MBNL1: variants seen among roughly 807,000 people sequenced by gnomAD.
MBNL1 encodes the protein muscleblind-like protein 1.
In MBNL1, 8 loss-of-function variants were observed where a neutral mutation model predicts 42.2. That is an observed-to-expected ratio of 0.19 (90% CI 0.11 to 0.34). The LOEUF (loss-of-function observed/expected upper bound fraction) is 0.34. Ranked by LOEUF, MBNL1 falls within the 10% of genes least tolerant of loss-of-function variation. The probability of loss-of-function intolerance (pLI) is 1.00; values close to 1 mark genes in which losing one functional copy is unlikely to be tolerated. For synonymous variants in MBNL1, 169 were observed against 173.9 expected (o/e 0.97, Z 0.22); for missense variants, 309 against 495.3 (o/e 0.62, Z 3.57).
At chr3:152,367,369 A>G (rs865971688) in intron 2 of MBNL1, among the ~76,000 whole-genome samples, 1 of 152,136 alleles carries the variant, frequency 6.6e-6, no homozygotes. Context: ...ATCCTTTTTT[A>G]TGGCTGCATA....
At chr3:152,399,907 A>G (rs560500805) in intron 2 of MBNL1, among the ~76,000 whole-genome samples, 38 of 152,352 alleles carry the variant, frequency 2.5e-4, no homozygotes, top group African/African-American at 8.4e-4. Flanking sequence ...GAAAACAAGC[A>G]GGAATGACAA....
At chr3:152,294,278 C>CTTTTTTTTTTTTTTTTTTTTTTTTTTTT (rs201018898) in intron 1 of MBNL1, among the ~76,000 whole-genome samples, 1 of 121,072 alleles carries the variant, frequency 8.3e-6, no homozygotes. Context: ...AAGTTTGATT[C>CTTTTTTTTTTTTTTTTTTTTTTTTTTTT]TTTTTTTTTT....
chr3:152,465,037 A>G lies in MBNL1; in HGVS notation c.*2671A>G, dbSNP rs1053881068. ...AGTTTGCCAGGATTTTTTCAGCTGGAAAGATACGCCATCCTTTCAAACCCT... is the reference window on the plus strand; with the variant it reads ...AGTTTGCCAGGATTTTTTCAGCTGGGAAGATACGCCATCCTTTCAAACCCT... On this transcript the variant is annotated 3_prime_UTR_variant, in exon 10 of 10. Transcript: ENST00000324210. 2 of 152,552 alleles carry G rather than the reference A, an allele frequency of 1.3e-5. No individual in the cohort carries two copies. The highest frequency in any genetic ancestry group is 4.8e-5 in the African/African-American group (2 of 41,410). The allele number at this position is 152,552 out of a possible 1,614,324, so 9.4% of individuals were successfully genotyped here.
At chr3:152,429,096 CAAAAG>C (rs4068739) in intron 3 of MBNL1, among the ~76,000 whole-genome samples, 32,068 of 151,776 alleles carry the variant, frequency 0.21, 3,556 homozygotes, top group South Asian at 0.29. Flanking sequence ...TCAAAAAACA[CAAAAG>C]AAAAGAAAAT....
chr3:152,459,170 A>C, intron 8 of MBNL1, 101 bp from the exon 9 acceptor site: 1 of 606,828 alleles, frequency 1.6e-6, no homozygotes, highest in Non-Finnish European at 2.8e-6. Flanking sequence ...CTCACAGCTG[A>C]ATTTCACTTT....
upstream of MBNL1, chr3:152,268,281 G>GT (rs1433567467): frequency 1.1e-4 from 18 of 165,828 alleles, no homozygotes; most frequent in African/African-American, 4.3e-4. Flanking sequence ...CTGTGTGACA[G>GT]TTTCACTAAG....
chr3:152,427,759 T>A (rs140295833), intron 3 of MBNL1, among the ~76,000 whole-genome samples: 258 of 150,656 alleles, frequency 1.7e-3, no homozygotes, highest in African/African-American at 5.6e-3. Context: ...ATAAAAATTT[T>A]AAAAATTTTA....
intron 2 of MBNL1, among the ~76,000 whole-genome samples, chr3:152,409,439 T>C (rs555703061): frequency 6.6e-6 from 1 of 152,050 alleles, no homozygotes; most frequent in Non-Finnish European, 1.5e-5. Context: ...GCAAAAATTT[T>C]CTGAAATATT....
chr3:152,366,202 T>G (rs1047112755), intron 2 of MBNL1, among the ~76,000 whole-genome samples: 5 of 148,824 alleles, frequency 3.4e-5, no homozygotes, highest in Non-Finnish European at 7.4e-5. Context: ...CCCGAGGGTT[T>G]GTTGTTGTTT....
chr3:152,366,943 A>C (rs1411383584), intron 2 of MBNL1, among the ~76,000 whole-genome samples: 2 of 152,196 alleles, frequency 1.3e-5, no homozygotes, highest in Non-Finnish European at 2.9e-5. Context: ...AAAATAATAC[A>C]GTGTTCATAA....
chr3:152,429,991 A>G (rs1054481670), intron 3 of MBNL1, among the ~76,000 whole-genome samples: 3 of 152,230 alleles, frequency 2.0e-5, no homozygotes, highest in South Asian at 2.1e-4. Flanking sequence ...ACTTGGGGAC[A>G]GTGCCCTAAA....
chr3:152,378,977 A>C (rs1323607573), intron 2 of MBNL1, among the ~76,000 whole-genome samples: 1 of 152,146 alleles, frequency 6.6e-6, no homozygotes, highest in Non-Finnish European at 1.5e-5. Context: ...TGACCTCCCA[A>C]AGTGGTAAGA....
At chr3:152,380,812 A>AT (rs2097148640) in intron 2 of MBNL1, among the ~76,000 whole-genome samples, 1 of 151,938 alleles carries the variant, frequency 6.6e-6, no homozygotes, top group East Asian at 1.9e-4. Context: ...CTGAGTTAAT[A>AT]TTTTTCCTTG....
chr3:152,400,485 C>T (rs2098168604), intron 2 of MBNL1, among the ~76,000 whole-genome samples: 1 of 152,106 alleles, frequency 6.6e-6, no homozygotes, highest in African/African-American at 2.4e-5. Context: ...CTATAAATAA[C>T]ACTGATAATA....
At chr3:152,459,137 G>A in intron 8 of MBNL1, 134 bp from the exon 9 acceptor site, 1 of 465,320 alleles carries the variant, frequency 2.1e-6, no homozygotes, top group East Asian at 3.4e-5. Flanking sequence ...TTACTGTTAT[G>A]TTGACCAGAT....
rs969065151 is a variant in MBNL1 at position 152,300,382 on chromosome 3, T to C, written c.174+15T>C. ...ATTCATTGAAAGTGAGTAACTATTA[T>C]ATTCTTTTAAGGATATTCAATGATT... On this transcript the variant is annotated intron_variant, in intron 2 of 9. Coordinates refer to ENST00000324210, the MANE Select transcript of MBNL1 (RefSeq NM_021038.5). The C allele has an allele frequency of 2.5e-6, 4 of 1,606,214 alleles. No individual in the cohort carries two copies. In the African/African-American group the frequency reaches 4.0e-5, roughly 16 times the overall value.
At chr3:152,256,937 G>C (rs913477489) in intron 2 of MBNL1, among the ~76,000 whole-genome samples, 3 of 152,170 alleles carry the variant, frequency 2.0e-5, no homozygotes, top group Non-Finnish European at 4.4e-5. Flanking sequence ...AGTTGGATGT[G>C]TTGTTGTAGG....
chr3:152,346,440 A>G (rs1294481976), intron 2 of MBNL1, among the ~76,000 whole-genome samples: 1 of 151,932 alleles, frequency 6.6e-6, no homozygotes, highest in Non-Finnish European at 1.5e-5. Context: ...TTCCTTCTTG[A>G]TTTTTTCATA....
chr3:152,391,311 TG>T (rs963539135), intron 2 of MBNL1, among the ~76,000 whole-genome samples: 89 of 152,354 alleles, frequency 5.8e-4, no homozygotes, highest in African/African-American at 2.1e-3. Flanking sequence ...TTACCTAAAA[TG>T]AATAATGATT....
Sources: gnomAD v4.1 joint callset for allele counts (sites outside exome capture counted in the v4.1 genomes callset) on GRCh38, gnomAD v4.1.1 for gene constraint, MANE v1.5 for transcripts, NCBI Gene and HGNC (gene_info 2026-07-23, HGNC 2026-07-21) for gene names.